The following VWC2L variants were observed in gnomAD, a reference collection of about 807,000 sequenced individuals.
VWC2L encodes the protein von Willebrand factor C domain-containing protein 2-like.
A neutral mutation model predicts 21.6 loss-of-function variants in VWC2L; 10 were observed. The ratio of observed to expected loss-of-function variants is 0.46; its 90% CI spans 0.29 to 0.78. The LOEUF is 0.78. Ranked by LOEUF, VWC2L falls within the 30% of genes least tolerant of loss-of-function variation. The pLI is 0.10. For synonymous variants in VWC2L, 96 were observed against 94.3 expected (o/e 1.02, Z -0.10); for missense variants, 209 against 277.1 (o/e 0.75, Z 1.74).
intron 3 of VWC2L, among the ~76,000 whole-genome samples, chr2:214,474,811 G>A (rs931727499): frequency 2.6e-5 from 4 of 152,080 alleles, no homozygotes; most frequent in Non-Finnish European, 2.9e-5. Flanking sequence ...CATAGTTGCC[G>A]GCACATAATA....
At chr2:214,443,059 G>T (rs989927878) in intron 3 of VWC2L, among the ~76,000 whole-genome samples, 7 of 152,070 alleles carry the variant, frequency 4.6e-5, no homozygotes, top group African/African-American at 1.7e-4. Flanking sequence ...TCAGGTTAGG[G>T]TTTAATCTCA....
At chr2:214,450,704 G>A (rs898457191) in intron 3 of VWC2L, among the ~76,000 whole-genome samples, 3 of 152,158 alleles carry the variant, frequency 2.0e-5, no homozygotes, top group African/African-American at 7.2e-5. Context: ...TGTAGGATGA[G>A]TCAGGGGGCA....
intron 3 of VWC2L, among the ~76,000 whole-genome samples, chr2:214,556,867 G>A (rs1179825355): frequency 6.6e-6 from 1 of 152,046 alleles, no homozygotes; most frequent in Non-Finnish European, 1.5e-5. Context: ...CATCCCAAAT[G>A]CCTGCCAAAA....
intron 3 of VWC2L, among the ~76,000 whole-genome samples, chr2:214,533,002 C>A (rs1689464939): frequency 6.6e-6 from 1 of 151,864 alleles, no homozygotes; most frequent in African/African-American, 2.4e-5. Context: ...TTTGTGATAC[C>A]TATACCAACT....
chr2:214,525,081 A>C, intron 3 of VWC2L: 1 of 49,856 alleles, frequency 2.0e-5, no homozygotes, highest in South Asian at 8.6e-4. Flanking sequence ...ACACACACAT[A>C]CACTTTTAAA....
chr2:214,448,695 C>T (rs1057114883), intron 3 of VWC2L, among the ~76,000 whole-genome samples: 1 of 152,104 alleles, frequency 6.6e-6, no homozygotes, highest in Non-Finnish European at 1.5e-5. Flanking sequence ...ATACATTACC[C>T]AGTATCATTC....
At chr2:214,493,885 A>T (rs1428656837) in intron 3 of VWC2L, among the ~76,000 whole-genome samples, 1 of 152,078 alleles carries the variant, frequency 6.6e-6, no homozygotes, top group African/African-American at 2.4e-5. Context: ...TCTATCTAAG[A>T]CCCTACCTGC....
At chr2:214,479,268 G>A (rs1688567636) in intron 3 of VWC2L, among the ~76,000 whole-genome samples, 1 of 152,096 alleles carries the variant, frequency 6.6e-6, no homozygotes, top group Admixed American at 6.5e-5. Flanking sequence ...CATGGTAAAT[G>A]GACAATCCTT....
chr2:214,456,265 T>C (rs1320493014), intron 3 of VWC2L, among the ~76,000 whole-genome samples: 2 of 152,200 alleles, frequency 1.3e-5, no homozygotes, highest in Non-Finnish European at 2.9e-5. Context: ...TCATTGGGTT[T>C]TGACTTGAAT....
intron 2 of VWC2L, among the ~76,000 whole-genome samples, chr2:214,426,171 C>CAAAAA (rs34411661): frequency 2.9e-5 from 2 of 69,964 alleles, no homozygotes; most frequent in African/African-American, 4.6e-5. Flanking sequence ...GGCTTCGTCT[C>CAAAAA]AAAAAAAAAA....
intron 3 of VWC2L, among the ~76,000 whole-genome samples, chr2:214,493,855 A>G (rs1688776920): frequency 6.6e-6 from 1 of 152,174 alleles, no homozygotes; most frequent in Non-Finnish European, 1.5e-5. Context: ...GAAAACAGAT[A>G]AAGAAGCAAG....
chr2:214,529,889 C>A (rs1189270174), intron 3 of VWC2L, among the ~76,000 whole-genome samples: 1 of 152,134 alleles, frequency 6.6e-6, no homozygotes, highest in African/African-American at 2.4e-5. Flanking sequence ...CATTCCTCAT[C>A]TTTTCTCAGA....
At chr2:214,472,759 T>G (rs1262165981) in intron 3 of VWC2L, among the ~76,000 whole-genome samples, 1 of 152,200 alleles carries the variant, frequency 6.6e-6, no homozygotes, top group Non-Finnish European at 1.5e-5. Flanking sequence ...TGAAATTCTT[T>G]GGTACTTTTA....
Position 214,489,768 on chromosome 2 carries a change from G to T in VWC2L, c.520+53010G>T, listed in dbSNP as rs571545627. On this transcript the variant is annotated intron_variant, in intron 3 of 3. Transcript: ENST00000312504. ...CCAAGGCTTAATACCAGAAGAATTT[G>T]TTTCTTGTCAATTGGTGTTGCACTG... is the stretch of plus-strand genomic sequence containing the variant. 2.0e-5 allele frequency among the ~76,000 whole-genome samples: 3 copies of T among 152,320 alleles called. No individual in the cohort carries two copies. The East Asian group carries it at 5.8e-4, about 29-fold the overall frequency.
intron 3 of VWC2L, among the ~76,000 whole-genome samples, chr2:214,538,061 T>C (rs1689564142): frequency 6.6e-6 from 1 of 152,068 alleles, no homozygotes; most frequent in South Asian, 2.1e-4. Flanking sequence ...ATGAGAGTAC[T>C]ATAGGAGATG....
intron 3 of VWC2L, among the ~76,000 whole-genome samples, chr2:214,531,202 A>G (rs1559320914): frequency 6.6e-6 from 1 of 152,186 alleles, no homozygotes; most frequent in Non-Finnish European, 1.5e-5. Context: ...AGGAAACAGG[A>G]AAAATGCAAG....
At chr2:214,470,916 CAAAAAAAAAAAA>C (rs56041924) in intron 3 of VWC2L, among the ~76,000 whole-genome samples, 4 of 50,794 alleles carry the variant, frequency 7.9e-5, no homozygotes, top group Admixed American at 3.6e-4. Context: ...AACTCCATCT[CAAAAAAAAAAAA>C]AAAAAAAAAA....
At chr2:214,459,231 C>A (rs1446671901) in intron 3 of VWC2L, among the ~76,000 whole-genome samples, 1 of 152,124 alleles carries the variant, frequency 6.6e-6, no homozygotes, top group Non-Finnish European at 1.5e-5. Flanking sequence ...TGTAGCTACT[C>A]CTGCTCACTT....
intron 3 of VWC2L, among the ~76,000 whole-genome samples, chr2:214,517,819 T>G (rs1292536887): frequency 6.6e-6 from 1 of 152,092 alleles, no homozygotes; most frequent in African/African-American, 2.4e-5. Context: ...ACTGGGAGAA[T>G]AGAGAGATGG....
Sources: allele counts gnomAD v4.1 joint callset (sites outside exome capture counted in the v4.1 genomes callset), GRCh38; gene constraint gnomAD v4.1.1; transcripts MANE v1.5; gene names NCBI Gene and HGNC (gene_info 2026-07-23, HGNC 2026-07-21).